The following BST2 variants were observed in gnomAD, a reference collection of about 807,000 sequenced individuals.
The protein encoded by BST2 is bone marrow stromal antigen 2.
A neutral mutation model predicts 18.6 loss-of-function variants in BST2; 10 were observed. That is an observed-to-expected ratio of 0.54 (90% CI 0.33 to 0.91). The LOEUF is 0.91. BST2 is among the 40% of genes least tolerant of loss of function. The probability of loss-of-function intolerance (pLI) is 0.02; values close to 1 mark genes in which losing one functional copy is unlikely to be tolerated. For missense variants in BST2, 183 were observed against 228.4 expected, an observed-to-expected ratio of 0.80 and a Z score of 1.28; for synonymous variants, 75 against 96.8, an observed-to-expected ratio of 0.77 and a Z score of 1.32.
chr19:17,404,281 C>T, intron 2 of BST2, 90 bp downstream of exon 2: 2 of 1,549,124 alleles, frequency 1.3e-6, no homozygotes, highest in Non-Finnish European at 1.8e-6. Context: ...TCCCCCTTAC[C>T]CCAACCTCCA....
Position 17,403,670 on chromosome 19 carries a change from C to A in BST2, c.*15+10G>T, listed in dbSNP as rs1173904893. 2 of 1,608,930 alleles carry A rather than the reference C, an allele frequency of 1.2e-6. No homozygotes were observed. Among genetic ancestry groups the A allele is most frequent in the South Asian group, 2.2e-5 (2 of 90,822 alleles). ...CTTCTCCCTCCCGGGGCCGCCCCCT[C>A]CTCACTGACCAGCTTCCTGGGATCT... is the stretch of plus-strand genomic sequence containing the variant. On this transcript the variant is annotated intron_variant, in intron 4 of 4. Transcript: ENST00000252593.
chr19:17,403,605 C>T, intron 4 of BST2, 75 bp downstream of exon 4: 5 of 1,541,518 alleles, frequency 3.2e-6, no homozygotes, highest in Non-Finnish European at 4.3e-6. Flanking sequence ...TCTCTCTAGA[C>T]TTCGGAGCCT....
chr19:17,405,579 G>A lies in BST2; in HGVS notation c.-4C>T. ...AGTCATACGAAGTAGATGCCATCCA[G>A]ATCTCCCCTTTAGAGTCTGGCCTGG... On this transcript the variant is annotated 5_prime_UTR_variant, in exon 1 of 5. Coordinates refer to ENST00000252593, the MANE Select transcript of BST2 (RefSeq NM_004335.4). The A allele has an allele frequency of 6.9e-7, 1 of 1,441,220 alleles. No homozygotes were observed. The highest frequency in any genetic ancestry group is 9.2e-7 in the Non-Finnish European group (1 of 1,083,842). 89.3% of individuals were successfully genotyped at this position (1,441,220 alleles called of 1,614,324 possible).
chr19:17,404,547 C>A, intron 1 of BST2, 110 bp from the exon 2 acceptor site: 1 of 1,522,362 alleles, frequency 6.6e-7, no homozygotes, highest in Non-Finnish European at 8.9e-7. Flanking sequence ...ATGCAAACCC[C>A]TTTCAGGTTT....
chr19:17,404,394 T>G lies in BST2; in HGVS notation c.329A>C (p.Gln110Pro). ...ASLDAEKAQG[Q>P]KKVEELEGEI... ...ACCCTCAAGCTCCTCCACTTTCTTT[T>G]GTCCTTGGGCCTTCTCTGCATCCAG... Residue 110 changes from glutamine to proline, a missense_variant, in exon 2 of 5, where the codon CAA (glutamine) becomes CCA (proline). Gln to Pro is a moderately conservative substitution (Grantham distance 76). Coordinates refer to ENST00000252593, the MANE Select transcript of BST2 (RefSeq NM_004335.4). 2 of 1,613,718 alleles carry G rather than the reference T, an allele frequency of 1.2e-6. No individual in the cohort carries two copies. Among genetic ancestry groups the G allele is most frequent in the South Asian group, 1.1e-5 (1 of 91,056 alleles).
intron 1 of BST2, 69 bp from the exon 2 acceptor site, chr19:17,404,506 C>T: frequency 6.2e-7 from 1 of 1,610,764 alleles, no homozygotes; most frequent in African/African-American, 1.3e-5. Flanking sequence ...CCTGGGCCTC[C>T]TCCCTAGGTC....
At position 17,404,321 on chromosome 19, in the gene BST2, T is replaced by C. The variant is rs551292711; in HGVS notation, c.352+50A>G. On this transcript the variant is annotated intron_variant, in intron 2 of 4. Transcript: ENST00000252593. ...TGGTCTCCCTGCCCCCACCCCCTCT[T>C]CCATACCTGACTCACCCCTCCCCGG... is the stretch of plus-strand genomic sequence containing the variant. 7 of 1,498,496 alleles carry C rather than the reference T, an allele frequency of 4.7e-6. No individual in the cohort carries two copies. In the African/African-American group the frequency reaches 8.3e-5, roughly 18 times the overall value. The allele number at this position is 1,498,496 out of a possible 1,614,324, so 92.8% of individuals were successfully genotyped here. A position where few individuals can be genotyped will look rare whatever the true frequency, so the allele number is the denominator to read the frequency against.
Position 17,405,576 on chromosome 19 carries a change from C to A in BST2, c.-1G>T. Reference sequence around the variant, plus strand: ...AATAGTCATACGAAGTAGATGCCATCCAGATCTCCCCTTTAGAGTCTGGCC... The same window carrying A: ...AATAGTCATACGAAGTAGATGCCATACAGATCTCCCCTTTAGAGTCTGGCC... On this transcript the variant is annotated 5_prime_UTR_variant, in exon 1 of 5. Transcript: ENST00000252593. 6.6e-7 allele frequency: 1 copy of A among 1,517,370 alleles called. No individual in the cohort carries two copies. Among genetic ancestry groups the A allele is most frequent in the Non-Finnish European group, 8.8e-7 (1 of 1,136,210 alleles). 94.0% of individuals were successfully genotyped at this position (1,517,370 alleles called of 1,614,324 possible). A position where few individuals can be genotyped will look rare whatever the true frequency, so the allele number is the denominator to read the frequency against.
chr19:17,404,122 C>A lies in BST2; in HGVS notation c.413+7G>T. 1 of 1,581,996 alleles carries A rather than the reference C, an allele frequency of 6.3e-7. No homozygotes were observed. The highest frequency in any genetic ancestry group is 1.1e-5 in the South Asian group (1 of 87,066). ...GTGGAGGGTAGCGGGGGAAGGCTAT[C>A]TCTGACCTCAGTCGCTCCACCTCTG... is the stretch of plus-strand genomic sequence containing the variant. On this transcript the variant is annotated splice_region_variant and intron_variant, in intron 3 of 4. Transcript: ENST00000252593.
chr19:17,405,260 C>A, intron 1 of BST2, 31 bp downstream of exon 1: 1 of 1,585,194 alleles, frequency 6.3e-7, no homozygotes, highest in Non-Finnish European at 8.6e-7. Flanking sequence ...CCGCCTAGTA[C>A]TAGGCCATCC....
In BST2 at chr19:17,403,332, G is replaced by A. The variant is rs2074706663; in HGVS notation, c.*16-6C>T. 55 of 1,114,894 alleles carry A rather than the reference G, an allele frequency of 4.9e-5. No homozygotes were observed. Among genetic ancestry groups the A allele is most frequent in the Non-Finnish European group, 5.5e-5 (50 of 905,652 alleles). The allele number at this position is 1,114,894 out of a possible 1,614,324, so 69.1% of individuals were successfully genotyped here. On this transcript the variant is annotated splice_polypyrimidine_tract_variant and splice_region_variant and intron_variant, in intron 4 of 4. Transcript: ENST00000252593. ...ACGGACCTTCCAAGATGTGCCTAAA[G>A]GACCAGAAGAGGGACTCAGGGCAGA... is the stretch of plus-strand genomic sequence containing the variant.
chr19:17,403,967 C>T (rs1006178016), intron 3 of BST2, 143 bp from the exon 4 acceptor site: 1 of 1,345,656 alleles, frequency 7.4e-7, no homozygotes, highest in Non-Finnish European at 1.0e-6. Flanking sequence ...ACCCATGGCT[C>T]TGTGACCCTA....
At chr19:17,403,590 G>A (rs1393899630) in intron 4 of BST2, 90 bp downstream of exon 4, 11 of 1,468,078 alleles carry the variant, frequency 7.5e-6, no homozygotes, top group Non-Finnish European at 1.0e-5. Flanking sequence ...TTCCCCTGCA[G>A]CCTCTCTCTC....
intron 1 of BST2, among the ~76,000 whole-genome samples, chr19:17,404,891 A>G (rs967075346): frequency 6.6e-6 from 1 of 152,194 alleles, no homozygotes; most frequent in Non-Finnish European, 1.5e-5. Context: ...AAATTTCAAA[A>G]GCCCCCTTTT....
intron 3 of BST2, 24 bp downstream of exon 3, chr19:17,404,105 T>C: frequency 1.9e-6 from 3 of 1,555,110 alleles, no homozygotes; most frequent in South Asian, 2.3e-5. Context: ...AGGTGGAGGG[T>C]AGCGGGGGAA....
At chr19:17,404,328 C>A in intron 2 of BST2, 43 bp downstream of exon 2, 1 of 1,557,600 alleles carries the variant, frequency 6.4e-7, no homozygotes, top group Non-Finnish European at 8.9e-7. Context: ...TCTTCCATAC[C>A]TGACTCACCC....
In BST2 at chr19:17,405,249, A is replaced by T. The variant is rs758815118; in HGVS notation, c.285+42T>A. 1.9e-6 allele frequency: 3 copies of T among 1,540,930 alleles called. No homozygotes were observed. In the African/African-American group the frequency reaches 4.1e-5, roughly 21 times the overall value. On this transcript the variant is annotated intron_variant, in intron 1 of 4. Transcript: ENST00000252593. ...CTGGGGAGAGATTCTTGTCCCTCCC[A>T]CCGCCTAGTACTAGGCCATCCAAAG...
At chr19:17,403,986 G>A in intron 3 of BST2, 143 bp downstream of exon 3, 1 of 1,327,730 alleles carries the variant, frequency 7.5e-7, no homozygotes, top group Non-Finnish European at 1.0e-6. Flanking sequence ...TAGGGGCTAA[G>A]TTATCCTTTT....
At chr19:17,405,205 C>T in intron 1 of BST2, 86 bp downstream of exon 1, 6 of 1,459,918 alleles carry the variant, frequency 4.1e-6, no homozygotes, top group Non-Finnish European at 5.5e-6. Flanking sequence ...TCCCTGGAGA[C>T]CCACCCTGGG....
Sources: allele counts gnomAD v4.1 joint callset (sites outside exome capture counted in the v4.1 genomes callset), GRCh38; gene constraint gnomAD v4.1.1; transcripts MANE v1.5; gene names NCBI Gene and HGNC (gene_info 2026-07-23, HGNC 2026-07-21).